LRRC8C: variants seen among roughly 807,000 people sequenced by gnomAD.
The protein encoded by LRRC8C is leucine rich repeat containing 8 VRAC subunit C.
A neutral mutation model predicts 55.3 loss-of-function variants in LRRC8C; 20 were observed. The ratio of observed to expected loss-of-function variants is 0.36; its 90% CI spans 0.25 to 0.53. The LOEUF (loss-of-function observed/expected upper bound fraction) is 0.53. Ranked by LOEUF, LRRC8C falls within the 20% of genes least tolerant of loss-of-function variation. The pLI is 0.92. For missense variants in LRRC8C, 659 were observed against 951.4 expected, an observed-to-expected ratio of 0.69 and a Z score of 4.04; for synonymous variants, 376 against 360.7, an observed-to-expected ratio of 1.04 and a Z score of -0.48.
At chr1:89,662,137 T>C (rs1240685831) in intron 1 of LRRC8C, among the ~76,000 whole-genome samples, 3 of 152,126 alleles carry the variant, frequency 2.0e-5, no homozygotes, top group Non-Finnish European at 2.9e-5. Context: ...ACATTAATGA[T>C]AGCTGATGAG....
At chr1:89,686,078 A>G (rs574662236) in intron 1 of LRRC8C, among the ~76,000 whole-genome samples, 1 of 152,284 alleles carries the variant, frequency 6.6e-6, no homozygotes, top group South Asian at 2.1e-4. Context: ...GCTTAAAGCA[A>G]TAACCCAAGA....
chr1:89,660,482 G>T (rs946997070), intron 1 of LRRC8C, among the ~76,000 whole-genome samples: 1 of 152,132 alleles, frequency 6.6e-6, no homozygotes, highest in Admixed American at 6.5e-5. Context: ...TGATTCCAAT[G>T]TGCAGCCAAG....
intron 2 of LRRC8C, among the ~76,000 whole-genome samples, chr1:89,693,726 C>T (rs1044270185): frequency 5.2e-5 from 7 of 133,778 alleles, no homozygotes; most frequent in African/African-American, 8.6e-5. Context: ...GGCGCGGTCT[C>T]GGCTCACTGC....
At chr1:89,686,363 GA>G in intron 1 of LRRC8C, 106 bp from the exon 2 acceptor site, 1 of 1,146,560 alleles carries the variant, frequency 8.7e-7, no homozygotes, top group Non-Finnish European at 1.3e-6. Flanking sequence ...GACAGCTCTT[GA>G]ACTAATTCAG....
intron 1 of LRRC8C, among the ~76,000 whole-genome samples, chr1:89,678,121 A>T (rs1247943514): frequency 2.0e-5 from 3 of 152,224 alleles, no homozygotes; most frequent in African/African-American, 4.8e-5. Context: ...TAGCTATGCT[A>T]ATGTCCTGGC....
At chr1:89,661,579 T>C (rs1189798246) in intron 1 of LRRC8C, among the ~76,000 whole-genome samples, 1 of 152,128 alleles carries the variant, frequency 6.6e-6, no homozygotes, top group Non-Finnish European at 1.5e-5. Flanking sequence ...ACTCTTCTAA[T>C]TAACAGATAT....
rs1246963813 is a variant in LRRC8C at position 89,714,021 on chromosome 1, C to T, written c.1451C>T (p.Ala484Val). The change falls in exon 3 of 3, where the codon GCG becomes GTG. Residue 484 changes from alanine (A) to valine (V), a missense_variant. Ala to Val is a moderately conservative substitution (Grantham distance 64). Around this residue, in one of 5 missense-constraint regions of LRRC8C, gnomAD observed 344 missense variants for 464.6 expected, o/e 0.74. Coordinates refer to ENST00000370454, the MANE Select transcript of LRRC8C (RefSeq NM_032270.5). The surrounding 1 kb of genome is among the most constrained non-coding windows in gnomAD (Gnocchi z 4.6). Reference sequence around the variant, plus strand: ...CAGTGTTCTGTCAAAATCCACAGTGCGGCGCTCTCTTTCCTGAAGGAAAAC... The same window carrying T: ...CAGTGTTCTGTCAAAATCCACAGTGTGGCGCTCTCTTTCCTGAAGGAAAAC... ...LHQCSVKIHS[A>V]ALSFLKENLK... The T allele has an allele frequency of 5.0e-6, 8 of 1,613,296 alleles. No individual in the cohort carries two copies. In the East Asian group the frequency reaches 1.6e-4, roughly 31 times the overall value.
At chr1:89,707,146 C>G (rs1307178630) in intron 2 of LRRC8C, among the ~76,000 whole-genome samples, 1 of 148,644 alleles carries the variant, frequency 6.7e-6, no homozygotes, top group Non-Finnish European at 1.5e-5. Flanking sequence ...GTGGCTCATG[C>G]CTGTAATCCC....
In LRRC8C at chr1:89,714,840, T is replaced by C; in HGVS notation, c.2270T>C (p.Leu757Ser). The C allele has an allele frequency of 1.2e-6, 2 of 1,614,172 alleles. No individual in the cohort carries two copies. Among genetic ancestry groups the C allele is most frequent in the Non-Finnish European group, 1.7e-6 (2 of 1,180,000 alleles). ...GGAAATTTGCTATTTCTTTCCTACT[T>C]AGATGTAAAAGGTAATCACTTTGAA... is the stretch of plus-strand genomic sequence containing the variant. ...KIGNLLFLSY[L>S]DVKGNHFEIL... Residue 757 changes from leucine (L) to serine (S), a missense_variant, in exon 3 of 3, where the codon TTA becomes TCA. Physicochemically the swap from Leu to Ser is moderately radical, Grantham distance 145 (BLOSUM62 -2). Transcript: ENST00000370454. This position sits in a 1 kb window ranked among gnomAD's most constrained non-coding sequence, Gnocchi z 4.6.
At chr1:89,644,335 C>T (rs1191073553) in intron 1 of LRRC8C, among the ~76,000 whole-genome samples, 3 of 152,112 alleles carry the variant, frequency 2.0e-5, no homozygotes, top group African/African-American at 4.8e-5. Flanking sequence ...CCACCGCACC[C>T]GGCTAATGTT....
At chr1:89,666,689 AGT>A (rs1657274502) in intron 1 of LRRC8C, among the ~76,000 whole-genome samples, 1 of 152,220 alleles carries the variant, frequency 6.6e-6, no homozygotes, top group South Asian at 2.1e-4. Context: ...AATTTCTGTT[AGT>A]CACATAAACA....
chr1:89,627,183 A>G, the LRRC8C span, among the ~76,000 whole-genome samples: 1 of 152,104 alleles, frequency 6.6e-6, no homozygotes, highest in Non-Finnish European at 1.5e-5. Flanking sequence ...AAACCCAAAT[A>G]TAATCAAAAA....
upstream of LRRC8C, among the ~76,000 whole-genome samples, chr1:89,629,259 AAAC>A (rs1369977710): frequency 2.6e-5 from 4 of 152,226 alleles, no homozygotes; most frequent in Admixed American, 6.5e-5. Context: ...CTGAAACTTA[AAAC>A]AACAACGTTT....
the LRRC8C span, among the ~76,000 whole-genome samples, chr1:89,619,524 G>T: frequency 6.7e-6 from 1 of 149,538 alleles, no homozygotes; most frequent in African/African-American, 2.4e-5. Context: ...ATTAATTCAG[G>T]TAATAAGTAT....
At chr1:89,658,104 A>G (rs1471754321) in intron 1 of LRRC8C, among the ~76,000 whole-genome samples, 1 of 152,160 alleles carries the variant, frequency 6.6e-6, no homozygotes, top group African/African-American at 2.4e-5. Context: ...CAAATCTTGA[A>G]AACAGCAGTT....
intron 1 of LRRC8C, among the ~76,000 whole-genome samples, chr1:89,648,737 T>A (rs1247608300): frequency 1.3e-5 from 2 of 152,212 alleles, no homozygotes; most frequent in African/African-American, 4.8e-5. Context: ...CATTAGCTAT[T>A]ACCCCTGCTC....
At chr1:89,683,943 G>A (rs775187801) in intron 1 of LRRC8C, among the ~76,000 whole-genome samples, 16 of 152,000 alleles carry the variant, frequency 1.1e-4, no homozygotes, top group Non-Finnish European at 2.2e-4. Context: ...TATTCAGCTG[G>A]CTTTTATATT....
chr1:89,660,135 A>C (rs1007257401), intron 1 of LRRC8C, among the ~76,000 whole-genome samples: 4 of 152,114 alleles, frequency 2.6e-5, no homozygotes, highest in African/African-American at 4.8e-5. Flanking sequence ...GTGATCTGGG[A>C]ATGGGTGGTG....
chr1:89,685,443 T>C (rs1007761385), intron 1 of LRRC8C, among the ~76,000 whole-genome samples: 2 of 152,186 alleles, frequency 1.3e-5, no homozygotes, highest in African/African-American at 4.8e-5. Context: ...AATTCAGTAT[T>C]AGGGAAGGAA....
Sources: gnomAD v4.1 joint callset for allele counts (sites outside exome capture counted in the v4.1 genomes callset) on GRCh38, gnomAD v4.1.1 for gene constraint, gnomAD v4.1.1 regional missense constraint, Gnocchi (gnomAD v3.1) non-coding constraint, MANE v1.5 for transcripts, NCBI Gene and HGNC (gene_info 2026-07-23, HGNC 2026-07-21) for gene names.